ZNF521: variants seen among roughly 807,000 people sequenced by gnomAD.
The protein encoded by ZNF521 is LYST-interacting protein 3.
ZNF521 carries 14 observed loss-of-function variants against 105.5 expected under a neutral mutation model. That is an observed-to-expected ratio of 0.13 (90% CI 0.09 to 0.21). The LOEUF (loss-of-function observed/expected upper bound fraction) is 0.21. Among genes scored for constraint, ZNF521 ranks in the 10% least tolerant of loss-of-function variants. The probability of loss-of-function intolerance (pLI) is 1.00; values close to 1 mark genes in which losing one functional copy is unlikely to be tolerated. For synonymous variants in ZNF521, 635 were observed against 606.0 expected (o/e 1.05, Z -0.70); for missense variants, 1,233 against 1,629.7 (o/e 0.76, Z 4.19).
At chr18:25,344,555 C>G (rs1372615089) in intron 2 of ZNF521, among the ~76,000 whole-genome samples, 2 of 152,134 alleles carry the variant, frequency 1.3e-5, no homozygotes, top group Non-Finnish European at 2.9e-5. Context: ...ATCTCCCCCA[C>G]CCCTAGAACT....
At chr18:25,134,158 G>A (rs1344082489) in intron 5 of ZNF521, among the ~76,000 whole-genome samples, 4 of 152,054 alleles carry the variant, frequency 2.6e-5, no homozygotes, top group African/African-American at 9.7e-5. Flanking sequence ...CCTAACAGAC[G>A]GAATTTTAAA....
chr18:25,230,591 GGAA>G (rs1906468081), intron 3 of ZNF521, among the ~76,000 whole-genome samples: 1 of 139,946 alleles, frequency 7.1e-6, no homozygotes, highest in Non-Finnish European at 1.6e-5. Flanking sequence ...TTTTACACGT[GGAA>G]GAAACTGTAG....
chr18:25,323,087 A>C (rs1017528725), intron 2 of ZNF521, among the ~76,000 whole-genome samples: 1 of 151,958 alleles, frequency 6.6e-6, no homozygotes, highest in South Asian at 2.1e-4. Flanking sequence ...AGAGGGAGGA[A>C]GAAAGGAACT....
In ZNF521 at chr18:25,095,509, C is replaced by T. The variant is rs1018177006; in HGVS notation, c.3659-3428G>A. Among the ~76,000 whole-genome samples, 7 of 152,124 alleles carry T rather than the reference C, an allele frequency of 4.6e-5. No homozygotes were observed. In the South Asian group the frequency reaches 8.3e-4, roughly 18 times the overall value. On this transcript the variant is annotated intron_variant, in intron 5 of 7. Transcript: ENST00000361524. ...AATTAAGAATTATAGATGGGATCTT[C>T]GAACGAAACTTCTAGATTTTTCTTC...
At chr18:25,350,833 C>T (rs1468134411) in intron 2 of ZNF521, 74 bp downstream of exon 2, 11 of 1,506,054 alleles carry the variant, frequency 7.3e-6, no homozygotes, top group Non-Finnish European at 9.8e-6. Flanking sequence ...CTCGCAGCCA[C>T]GCAGCCCTCG....
chr18:25,175,845 T>A lies in ZNF521; in HGVS notation c.3658+19315A>T, dbSNP rs907666520. On this transcript the variant is annotated intron_variant, in intron 5 of 7. Transcript: ENST00000361524. ...TGCCATAGTATTCTTTTAAAAATAA[T>A]AAATGGAAAGTTTCCTAGGACTTCG... Among the ~76,000 whole-genome samples the A allele has an allele frequency of 7.2e-5, 11 of 152,204 alleles. 1 individual carries two copies. Among genetic ancestry groups the A allele is most frequent in the Admixed American group, 2.6e-4 (4 of 15,278 alleles).
chr18:25,285,659 C>G (rs1723936595), intron 3 of ZNF521, among the ~76,000 whole-genome samples: 1 of 152,020 alleles, frequency 6.6e-6, no homozygotes. Flanking sequence ...TACAGAACTA[C>G]AGACAGATTT....
chr18:25,285,609 A>G (rs1910652551), intron 3 of ZNF521, among the ~76,000 whole-genome samples: 1 of 152,130 alleles, frequency 6.6e-6, no homozygotes, highest in Admixed American at 6.5e-5. Flanking sequence ...TCACTTGGCA[A>G]AAGACAACCA....
Position 25,225,615 on chromosome 18 carries a change from T to C in ZNF521, c.2303A>G (p.Gln768Arg). The C allele has an allele frequency of 1.2e-6, 2 of 1,614,214 alleles. No homozygotes were observed. Among genetic ancestry groups the C allele is most frequent in the South Asian group, 1.1e-5 (1 of 91,078 alleles). Residue 768 changes from glutamine to arginine, a missense_variant, in exon 4 of 8, where the codon CAG (glutamine) becomes CGG (arginine). Transcript: ENST00000361524. This position sits in a 1 kb window ranked among gnomAD's most constrained non-coding sequence, Gnocchi z 5.6. ...NWDFRNETDL[Q>R]LHVKHNHLEN... The stretch of plus-strand genomic sequence containing the variant: ...CAGGTGGTTGTGTTTCACATGGAGC[T>C]GCAAGTCAGTTTCGTTGCGGAAGTC...
intron 3 of ZNF521, chr18:25,302,831 A>G (rs915341892): frequency 6.6e-6 from 1 of 152,260 alleles, no homozygotes; most frequent in Non-Finnish European, 1.5e-5. Flanking sequence ...AGGTCTGCCC[A>G]TATTGGGAAT....
rs144413006 is a variant in ZNF521 at position 25,190,908 on chromosome 18, T to C, written c.3658+4252A>G. On this transcript the variant is annotated intron_variant, in intron 5 of 7. Transcript: ENST00000361524. ...ATTTTTTGAAAATCGTGATTATCTA[T>C]AAAATACCGAGTATTTATTAGAGAT... Among the ~76,000 whole-genome samples the C allele has an allele frequency of 3.4e-3, 512 of 152,340 alleles. 3 individuals carry two copies. The highest frequency in any genetic ancestry group is 0.012 in the African/African-American group (483 of 41,588).
chr18:25,277,056 G>C (rs907946515), intron 3 of ZNF521, among the ~76,000 whole-genome samples: 1 of 151,934 alleles, frequency 6.6e-6, no homozygotes, highest in Non-Finnish European at 1.5e-5. Flanking sequence ...GGTGGCACAC[G>C]CTTGTAATCC....
At chr18:25,348,251 T>C (rs1914549147) in intron 2 of ZNF521, among the ~76,000 whole-genome samples, 1 of 152,152 alleles carries the variant, frequency 6.6e-6, no homozygotes, top group African/African-American at 2.4e-5. Flanking sequence ...CTGAATGATA[T>C]AATGGACAAT....
chr18:25,211,675 C>T (rs1001287438), intron 4 of ZNF521, among the ~76,000 whole-genome samples: 2 of 151,886 alleles, frequency 1.3e-5, no homozygotes, highest in African/African-American at 4.8e-5. Flanking sequence ...TTTTATAAAC[C>T]TGTAGCTTTT....
intron 3 of ZNF521, among the ~76,000 whole-genome samples, chr18:25,306,340 C>T (rs1315427212): frequency 6.6e-6 from 1 of 152,052 alleles, no homozygotes; most frequent in East Asian, 1.9e-4. Context: ...GAGATGGCCA[C>T]AGATTCTAAG....
chr18:25,275,391 T>C (rs757215161), intron 3 of ZNF521, among the ~76,000 whole-genome samples: 10 of 152,158 alleles, frequency 6.6e-5, no homozygotes, highest in Non-Finnish European at 1.5e-4. Flanking sequence ...GGCTGAGTAG[T>C]TAAGATGAAT....
At chr18:25,267,078 G>A (rs568511647) in intron 3 of ZNF521, among the ~76,000 whole-genome samples, 1 of 152,148 alleles carries the variant, frequency 6.6e-6, no homozygotes, top group African/African-American at 2.4e-5. Context: ...TGGGATGCTT[G>A]AGCTTGGTGG....
intron 5 of ZNF521, among the ~76,000 whole-genome samples, chr18:25,148,969 C>T (rs1486690447): frequency 2.0e-5 from 3 of 152,086 alleles, no homozygotes; most frequent in Non-Finnish European, 2.9e-5. Context: ...TAAATGAACT[C>T]GGAGCATAAA....
At chr18:25,240,761 A>G (rs997195269) in intron 3 of ZNF521, among the ~76,000 whole-genome samples, 21 of 152,138 alleles carry the variant, frequency 1.4e-4, no homozygotes, top group Non-Finnish European at 2.4e-4. Context: ...GTTAAGACCC[A>G]TAGAGGGTAC....
Sources: gnomAD v4.1 joint callset for allele counts (sites outside exome capture counted in the v4.1 genomes callset) on GRCh38, gnomAD v4.1.1 for gene constraint, Gnocchi (gnomAD v3.1) non-coding constraint, MANE v1.5 for transcripts, NCBI Gene and HGNC (gene_info 2026-07-23, HGNC 2026-07-21) for gene names.